RASL11B: variants seen among roughly 807,000 people sequenced by gnomAD.
The protein encoded by RASL11B is ras-like protein family member 11B.
Under a neutral mutation model 22.9 loss-of-function variants are expected in RASL11B, and 14 were observed. That is an observed-to-expected ratio of 0.61 (90% CI 0.40 to 0.96). RASL11B has a LOEUF of 0.96. Ranked by LOEUF, RASL11B falls within the 40% of genes least tolerant of loss-of-function variation. The pLI is 0.00. For missense variants in RASL11B, 261 were observed against 322.0 expected (o/e 0.81, Z 1.45); for synonymous variants, 143 against 130.2 (o/e 1.10, Z -0.67).
chr4:52,862,824 T>G (rs1399436158), intron 1 of RASL11B, among the ~76,000 whole-genome samples, 175 bp downstream of exon 1: 2 of 152,166 alleles, frequency 1.3e-5, no homozygotes, highest in Non-Finnish European at 2.9e-5. Context: ...CCCGCCTGCT[T>G]CCACAGACGG....
At position 52,866,518 on chromosome 4, in the gene RASL11B, T is replaced by C. The variant is rs1302010277; in HGVS notation, c.*713T>C. 1 of 152,376 alleles carries C rather than the reference T, an allele frequency of 6.6e-6. No homozygotes were observed. Among genetic ancestry groups the C allele is most frequent in the East Asian group, 1.9e-4 (1 of 5,198 alleles). 9.4% of individuals were successfully genotyped at this position (152,376 alleles called of 1,614,324 possible). A position where few individuals can be genotyped will look rare whatever the true frequency, so the allele number is the denominator to read the frequency against. On this transcript the variant is annotated 3_prime_UTR_variant, in exon 4 of 4. Transcript: ENST00000248706. ...CAGTTGGGCGTGTGTGGAGGAGCTG[T>C]GAACTTCACGCTCTTCAACCCCAGA...
At chr4:52,864,372 T>C (rs1283398670) in intron 2 of RASL11B, 106 bp from the exon 3 acceptor site, 1 of 666,158 alleles carries the variant, frequency 1.5e-6, no homozygotes, top group East Asian at 2.7e-5. Context: ...TATCGCTGTT[T>C]TGTGTGCATT....
chr4:52,865,252 T>C, intron 3 of RASL11B, 83 bp from the exon 4 acceptor site: 11 of 1,137,996 alleles, frequency 9.7e-6, no homozygotes, highest in Non-Finnish European at 1.4e-5. Context: ...TATGAAGGGC[T>C]CTTTTGAATT....
intron 1 of RASL11B, 21 bp downstream of exon 1, chr4:52,862,670 CTGGGTCTGGTCT>C: frequency 6.5e-7 from 1 of 1,545,262 alleles, no homozygotes; most frequent in Non-Finnish European, 8.7e-7. Context: ...GCGCTTAGCC[CTGGGTCTGGTCT>C]TGGACGACCC....
At chr4:52,864,789 G>A (rs1398851417) in intron 3 of RASL11B, among the ~76,000 whole-genome samples, 1 of 152,192 alleles carries the variant, frequency 6.6e-6, no homozygotes, top group African/African-American at 2.4e-5. Flanking sequence ...AACACAGCCG[G>A]AAAGCCCAAA....
chr4:52,864,199 A>C, intron 2 of RASL11B: 4 of 308,948 alleles, frequency 1.3e-5, no homozygotes, highest in Non-Finnish European at 2.4e-5. Context: ...GATAATTTGC[A>C]TCAAGGGAGT....
In RASL11B at chr4:52,866,182, C is replaced by A; in HGVS notation, c.*377C>A. ...AGTGGGAATGAAAGAACAGATTAAG[C>A]ATTGATAGGCTTTCTTTTTTCCCCC... On this transcript the variant is annotated 3_prime_UTR_variant, in exon 4 of 4. Coordinates refer to ENST00000248706, the MANE Select transcript of RASL11B (RefSeq NM_023940.3). 5.2e-6 allele frequency: 1 copy of A among 191,766 alleles called. No individual in the cohort carries two copies. The highest frequency in any genetic ancestry group is 1.4e-4 in the East Asian group (1 of 7,250). The allele number at this position is 191,766 out of a possible 1,614,324, so 11.9% of individuals were successfully genotyped here.
At chr4:52,863,045 G>A (rs1371983602) in intron 1 of RASL11B, among the ~76,000 whole-genome samples, 1 of 152,144 alleles carries the variant, frequency 6.6e-6, no homozygotes, top group Admixed American at 6.5e-5. Context: ...AGGAGGGGGT[G>A]GGCCCAGTGA....
chr4:52,864,785 G>A lies in RASL11B; in HGVS notation c.276+231G>A, dbSNP rs78585730. ...TCTTCCTTTAGAAGGATTCAACACA[G>A]CCGGAAAGCCCAAACCGAATGCAGT... is the stretch of plus-strand genomic sequence containing the variant. On this transcript the variant is annotated intron_variant, in intron 3 of 3. Coordinates refer to ENST00000248706, the MANE Select transcript of RASL11B (RefSeq NM_023940.3). Among the ~76,000 whole-genome samples, 1,063 of 152,330 alleles carry A rather than the reference G, an allele frequency of 7.0e-3. 11 individuals are homozygous for A. The highest frequency in any genetic ancestry group is 0.023 in the African/African-American group (951 of 41,570).
At chr4:52,864,723 A>G (rs1164057358) in intron 3 of RASL11B, among the ~76,000 whole-genome samples, 169 bp downstream of exon 3, 1 of 152,178 alleles carries the variant, frequency 6.6e-6, no homozygotes, top group East Asian at 1.9e-4. Flanking sequence ...CGATCTTAGC[A>G]TGGTTTAGTT....
chr4:52,864,659 A>G, intron 3 of RASL11B, 105 bp downstream of exon 3: 1 of 787,592 alleles, frequency 1.3e-6, no homozygotes, highest in East Asian at 2.4e-5. Flanking sequence ...AAATTTGGGG[A>G]GTCACATCTA....
rs1718173205 is a variant in RASL11B, at chr4:52,862,395, T to C, written c.-113T>C. On this transcript the variant is annotated 5_prime_UTR_variant, in exon 1 of 4. Transcript: ENST00000248706. ...GCCCGTACCTGCACTTATTTATTGTTGTTATTTCTTACCGCGGAGCCCCGC... is the reference window on the plus strand; with the variant it reads ...GCCCGTACCTGCACTTATTTATTGTCGTTATTTCTTACCGCGGAGCCCCGC... 1 of 1,077,902 alleles carries C rather than the reference T, an allele frequency of 9.3e-7. No homozygotes were observed. The highest frequency in any genetic ancestry group is 2.7e-5 in the Admixed American group (1 of 37,340). The allele number at this position is 1,077,902 out of a possible 1,614,324, so 66.8% of individuals were successfully genotyped here.
intron 2 of RASL11B, 135 bp from the exon 3 acceptor site, chr4:52,864,343 C>T: frequency 1.8e-6 from 1 of 568,832 alleles, no homozygotes; most frequent in Non-Finnish European, 3.2e-6. Flanking sequence ...TGAAGTAAGC[C>T]CACCAAATAG....
At position 52,865,478 on chromosome 4, in the gene RASL11B, C is replaced by T. The variant is rs1291160051; in HGVS notation, c.420C>T (p.His140=). ...TCCACCAGCACGTGCAGCAGCTACA[C>T]CTGGGCACCCGGCTGCCTGTGGTGG... is the stretch of plus-strand genomic sequence containing the variant. ...SQLHQHVQQL[H]LGTRLPVVVV... is the part of the protein sequence containing the mutation. The change falls in exon 4 of 4, where the codon CAC becomes CAT. Residue 140 remains histidine, a synonymous_variant. Coordinates refer to ENST00000248706, the MANE Select transcript of RASL11B (RefSeq NM_023940.3). The T allele has an allele frequency of 5.0e-6, 8 of 1,614,114 alleles. No homozygotes were observed. The African/African-American group carries it at 8.0e-5, about 16-fold the overall frequency.
chr4:52,863,646 T>TTA (rs1560463591), intron 2 of RASL11B: 1 of 190,956 alleles, frequency 5.2e-6, no homozygotes, highest in African/African-American at 2.5e-5. Flanking sequence ...GCAAAAGTCG[T>TTA]AAAAAAAAAA....
At chr4:52,862,934 A>G (rs1204789530) in intron 1 of RASL11B, among the ~76,000 whole-genome samples, 1 of 151,912 alleles carries the variant, frequency 6.6e-6, no homozygotes, top group Non-Finnish European at 1.5e-5. Context: ...AATGCCTGGC[A>G]CAGAAAGGGG....
intron 3 of RASL11B, among the ~76,000 whole-genome samples, chr4:52,865,040 C>T (rs746934124): frequency 2.0e-5 from 3 of 152,214 alleles, no homozygotes; most frequent in Non-Finnish European, 4.4e-5. Flanking sequence ...CTTCCCCAGA[C>T]TTACTGTCTA....
rs747297926 is a variant in RASL11B at position 52,864,570 on chromosome 4, ACT to A, written c.276+19_276+20del. On this transcript the variant is annotated intron_variant, in intron 3 of 3. Transcript: ENST00000248706. ...AGGTATTCAGGTGAGAAGCTCTGAG[ACT>A]CTGGGTGAAAGGGGAACCTACTTGG... 167 of 1,548,848 alleles carry A rather than the reference ACT, an allele frequency of 1.1e-4. No homozygotes were observed. The highest frequency in any genetic ancestry group is 1.4e-4 in the Non-Finnish European group (162 of 1,120,766).
rs144711440 is a variant in RASL11B, at chr4:52,863,163, A to T, written c.143-105A>T. ...AGGGTAGGAATTTCACTTGGTGGCC[A>T]TCTATGGCTTTCTTTGGGAGAACTG... On this transcript the variant is annotated intron_variant, in intron 1 of 3. Coordinates refer to ENST00000248706, the MANE Select transcript of RASL11B (RefSeq NM_023940.3). The T allele has an allele frequency of 4.2e-4, 404 of 965,636 alleles. 3 individuals are homozygous for T. In the East Asian group the frequency reaches 9.5e-3, roughly 23 times the overall value. 59.8% of individuals were successfully genotyped at this position (965,636 alleles called of 1,614,324 possible). A position where few individuals can be genotyped will look rare whatever the true frequency, so the allele number is the denominator to read the frequency against.
Sources: allele counts gnomAD v4.1 joint callset (sites outside exome capture counted in the v4.1 genomes callset), GRCh38; gene constraint gnomAD v4.1.1; transcripts MANE v1.5; gene names NCBI Gene and HGNC (gene_info 2026-07-23, HGNC 2026-07-21).